Variants in CC2D1A observed in about 807,000 individuals in gnomAD.
CC2D1A encodes coiled-coil and C2 domain containing 1A.
Under a neutral mutation model 123.8 loss-of-function variants are expected in CC2D1A, and 68 were observed. The observed-to-expected ratio is 0.55, with a 90% CI of 0.45 to 0.67. CC2D1A has a LOEUF of 0.67. Ranked by LOEUF, CC2D1A falls within the 30% of genes least tolerant of loss-of-function variation. CC2D1A has a pLI of 0.00. For missense variants in CC2D1A, 1,185 were observed against 1,290.3 expected (o/e 0.92, Z 1.25); for synonymous variants, 477 against 528.0 (o/e 0.90, Z 1.32).
chr19:13,918,148 A>G lies in CC2D1A; in HGVS notation c.827A>G (p.Gln276Arg), dbSNP rs750377782. Residue 276 changes from glutamine (Q) to arginine (R), a missense_variant, in exon 7 of 29, where the codon CAG becomes CGG. Transcript: ENST00000318003. The stretch of plus-strand genomic sequence containing the variant: ...AAGCTGGCTGCCCTCCACGCCAAGC[A>G]GCAGGGAGATACCACTGCTGCCGCT... ...DYKLAALHAKQQGDTTAAARH... is the reference protein window; with the variant it reads ...DYKLAALHAKRQGDTTAAARH... 2 of 1,609,826 alleles carry G rather than the reference A, an allele frequency of 1.2e-6. No individual in the cohort carries two copies. The highest frequency in any genetic ancestry group is 1.7e-5 in the Admixed American group (1 of 59,496).
rs1971878348 is a variant in CC2D1A at position 13,930,709 on chromosome 19, C to G, written c.*314C>G. ...GGCTGGGGCCAAGCCCCGAGGGCCC[C>G]TGCAAGCACTTTACTTCCTGTTCCT... On this transcript the variant is annotated 3_prime_UTR_variant, in exon 29 of 29. Transcript: ENST00000318003. This position sits in a 1 kb window ranked among gnomAD's most constrained non-coding sequence, Gnocchi z 6.8. 2 of 471,016 alleles carry G rather than the reference C, an allele frequency of 4.2e-6. No homozygotes were observed. Among genetic ancestry groups the G allele is most frequent in the East Asian group, 6.7e-5 (2 of 29,632 alleles). 29.2% of individuals were successfully genotyped at this position (471,016 alleles called of 1,614,324 possible).
intron 26 of CC2D1A, 52 bp downstream of exon 26, chr19:13,929,712 TG>T (rs560230365): frequency 0.013 from 2,532 of 190,182 alleles, 59 homozygotes; most frequent in South Asian, 0.061. Context: ...AGGATAGGCA[TG>T]GGGGGGGAGG....
In CC2D1A at chr19:13,918,356, C is replaced by T. The variant is rs975343208; in HGVS notation, c.874-148C>T. 1.1e-5 allele frequency: 12 copies of T among 1,073,592 alleles called. No homozygotes were observed. In the Admixed American group the frequency reaches 2.2e-4, roughly 20 times the overall value. The allele number at this position is 1,073,592 out of a possible 1,614,324, so 66.5% of individuals were successfully genotyped here. A position where few individuals can be genotyped will look rare whatever the true frequency, so the allele number is the denominator to read the frequency against. On this transcript the variant is annotated intron_variant, in intron 7 of 28. Coordinates refer to ENST00000318003, the MANE Select transcript of CC2D1A (RefSeq NM_017721.5). ...GTTTACCCCCTCTGTGAAATGGGCACGTGTGTTGGAAGAGGATTAAGCAAG... is the reference window on the plus strand; with the variant it reads ...GTTTACCCCCTCTGTGAAATGGGCATGTGTGTTGGAAGAGGATTAAGCAAG...
At chr19:13,911,116 C>G (rs767711878) in intron 2 of CC2D1A, among the ~76,000 whole-genome samples, 63 of 151,704 alleles carry the variant, frequency 4.2e-4, no homozygotes, top group Non-Finnish European at 8.1e-4. Context: ...ATCCCAGCTA[C>G]TCGGGAGGCT....
chr19:13,911,561 T>C (rs1007359189), intron 2 of CC2D1A, among the ~76,000 whole-genome samples: 2 of 145,996 alleles, frequency 1.4e-5, no homozygotes, highest in African/African-American at 5.5e-5. Context: ...TTTTTTTTTT[T>C]TGGAGACAAA....
chr19:13,916,236 G>A (rs1368285169), intron 6 of CC2D1A, among the ~76,000 whole-genome samples: 3 of 152,064 alleles, frequency 2.0e-5, no homozygotes, highest in Non-Finnish European at 4.4e-5. Context: ...CAGTCTGGGC[G>A]ACAGAGCAAG....
rs576358752 is a variant in CC2D1A at position 13,923,770 on chromosome 19, G to A, written c.1899G>A (p.Thr633=). 23 of 1,614,108 alleles carry A rather than the reference G, an allele frequency of 1.4e-5. No homozygotes were observed. The South Asian group carries it at 1.8e-4, about 12-fold the overall frequency. ...AAGCCTTCGTCCGGGGTCTCCCCAC[G>A]CCCACCGCCCGCTTTGAGCAAAGGA... ...LKQAFVRGLP[T]PTARFEQRTF... is the part of the protein sequence containing the mutation. Residue 633 remains threonine (T), a synonymous_variant, in exon 17 of 29, where the codon ACG becomes ACA. Coordinates refer to ENST00000318003, the MANE Select transcript of CC2D1A (RefSeq NM_017721.5). The surrounding 1 kb of genome is among the most constrained non-coding windows in gnomAD (Gnocchi z 5.3).
Position 13,920,585 on chromosome 19 carries a change from A to G in CC2D1A, c.1385A>G (p.Gln462Arg). 6.2e-7 allele frequency: 1 copy of G among 1,607,072 alleles called. No individual in the cohort carries two copies. Among genetic ancestry groups the G allele is most frequent in the Middle Eastern group, 1.7e-4 (1 of 6,048 alleles). The change falls in exon 13 of 29, where the codon CAG becomes CGG. Residue 462 changes from glutamine (Q) to arginine (R), a missense_variant. Gln to Arg is a conservative substitution (Grantham distance 43). Coordinates refer to ENST00000318003, the MANE Select transcript of CC2D1A (RefSeq NM_017721.5). ...AACAGCCCTGTGGCCCCCACAGCCC[A>G]GCCCAAAGCCCCACCCTCAAGAACT... is the stretch of plus-strand genomic sequence containing the variant. ...KQNSPVAPTA[Q>R]PKAPPSRTPQ...
chr19:13,915,690 G>A (rs1455570670), intron 6 of CC2D1A, among the ~76,000 whole-genome samples: 1 of 152,116 alleles, frequency 6.6e-6, no homozygotes. Flanking sequence ...AATTAGCCGG[G>A]TGTGGTAGTG....
intron 2 of CC2D1A, among the ~76,000 whole-genome samples, chr19:13,910,649 G>T (rs1970969121): frequency 6.6e-6 from 1 of 152,148 alleles, no homozygotes; most frequent in South Asian, 2.1e-4. Flanking sequence ...ATTGGCTCAT[G>T]CATGTAATCC....
chr19:13,909,604 G>T, intron 1 of CC2D1A: 1 of 646,922 alleles, frequency 1.5e-6, no homozygotes, highest in Non-Finnish European at 2.9e-6. Flanking sequence ...AGAGAGCTGG[G>T]TCTCTTGCCC....
chr19:13,915,056 C>T (rs764895119), intron 6 of CC2D1A, among the ~76,000 whole-genome samples: 3 of 152,200 alleles, frequency 2.0e-5, no homozygotes, highest in East Asian at 1.9e-4. Flanking sequence ...AGCTAGTTTC[C>T]AAGCCATTGT....
intron 14 of CC2D1A, 145 bp downstream of exon 14, chr19:13,921,067 A>G (rs1272278708): frequency 1.2e-6 from 1 of 803,838 alleles, no homozygotes; most frequent in Non-Finnish European, 1.9e-6. Flanking sequence ...CTGAAAGGAG[A>G]CAGACATTTA....
rs1971839495 is a variant in CC2D1A at position 13,930,031 on chromosome 19, A to G, written c.2711-47A>G. 1 of 1,580,504 alleles carries G rather than the reference A, an allele frequency of 6.3e-7. No individual in the cohort carries two copies. Among genetic ancestry groups the G allele is most frequent in the African/African-American group, 1.4e-5 (1 of 74,028 alleles). On this transcript the variant is annotated intron_variant, in intron 26 of 28. Transcript: ENST00000318003. This position sits in a 1 kb window ranked among gnomAD's most constrained non-coding sequence, Gnocchi z 6.8. ...GGCACAGTCCAGGAGGGTTGTGGGC[A>G]GTGAGGCCCCACCCTAAGCCTCCAT...
chr19:13,925,976 G>GTATATATATACACGTATATATATGTA (rs1971596460), intron 17 of CC2D1A, among the ~76,000 whole-genome samples: 6 of 79,704 alleles, frequency 7.5e-5, no homozygotes, highest in African/African-American at 3.6e-4. Flanking sequence ...ATATATATGT[G>GTATATATATACACGTATATATATGTA]TATATATATA....
rs1970738839 is a variant in CC2D1A, at chr19:13,906,517, A to G, written c.60+16A>G. The G allele has an allele frequency of 1.4e-6, 2 of 1,470,632 alleles. No homozygotes were observed. Among genetic ancestry groups the G allele is most frequent in the African/African-American group, 1.5e-5 (1 of 68,250 alleles). The allele number at this position is 1,470,632 out of a possible 1,614,324, so 91.1% of individuals were successfully genotyped here. On this transcript the variant is annotated intron_variant, in intron 1 of 28. Coordinates refer to ENST00000318003, the MANE Select transcript of CC2D1A (RefSeq NM_017721.5). The surrounding 1 kb of genome is among the most constrained non-coding windows in gnomAD (Gnocchi z 4.1). ...CGCCCGCCAGGTGAGTTTGCGCCCCACGGCCCGACCTGGGGATCCCTCCCC... is the reference window on the plus strand; with the variant it reads ...CGCCCGCCAGGTGAGTTTGCGCCCCGCGGCCCGACCTGGGGATCCCTCCCC...
chr19:13,930,526 GC>G lies in CC2D1A; in HGVS notation c.*136del. On this transcript the variant is annotated 3_prime_UTR_variant, in exon 29 of 29. Transcript: ENST00000318003. This position sits in a 1 kb window ranked among gnomAD's most constrained non-coding sequence, Gnocchi z 6.8. ...GGTTCTGGACTCACCCCTCATCCGG[GC>G]CCCCAGCCCCGCCAGAGCCTCCGTG... The G allele has an allele frequency of 7.5e-6, 8 of 1,067,120 alleles. No homozygotes were observed. The highest frequency in any genetic ancestry group is 1.1e-5 in the Non-Finnish European group (8 of 761,566). 66.1% of individuals were successfully genotyped at this position (1,067,120 alleles called of 1,614,324 possible).
rs569878123 is a variant in CC2D1A, at chr19:13,930,428, G to A, written c.*33G>A. Reference sequence around the variant, plus strand: ...ATGGGGCGGGCAGCCCCCAGAAAGCGGGCAGCAGGCCCCGATACCGGGAAG... The same window carrying A: ...ATGGGGCGGGCAGCCCCCAGAAAGCAGGCAGCAGGCCCCGATACCGGGAAG... On this transcript the variant is annotated 3_prime_UTR_variant, in exon 29 of 29. Coordinates refer to ENST00000318003, the MANE Select transcript of CC2D1A (RefSeq NM_017721.5). The surrounding 1 kb of genome is among the most constrained non-coding windows in gnomAD (Gnocchi z 6.8). The A allele has an allele frequency of 8.8e-4, 1,384 of 1,581,706 alleles. 4 individuals carry two copies. The highest frequency in any genetic ancestry group is 1.4e-3 in the South Asian group (119 of 87,378).
chr19:13,914,686 G>A (rs1971141803), intron 6 of CC2D1A, among the ~76,000 whole-genome samples: 1 of 149,654 alleles, frequency 6.7e-6, no homozygotes, highest in Non-Finnish European at 1.5e-5. Context: ...TGCCCAGGCT[G>A]GAGTGCAGTA....
Sources: gnomAD v4.1 joint callset for allele counts (sites outside exome capture counted in the v4.1 genomes callset) on GRCh38, gnomAD v4.1.1 for gene constraint, Gnocchi (gnomAD v3.1) non-coding constraint, MANE v1.5 for transcripts, NCBI Gene and HGNC (gene_info 2026-07-23, HGNC 2026-07-21) for gene names.